Variants in VGLL4 observed in about 807,000 individuals in gnomAD.
VGLL4 encodes vestigial like family member 4.
VGLL4 carries 7 observed loss-of-function variants against 21.0 expected under a neutral mutation model. The observed-to-expected ratio is 0.33, with a 90% confidence interval of 0.19 to 0.63. VGLL4 has a LOEUF of 0.63. Ranked by LOEUF, VGLL4 falls within the 20% of genes least tolerant of loss-of-function variation. VGLL4 has a pLI of 0.78. For synonymous variants in VGLL4, 222 were observed against 173.2 expected (o/e 1.28, Z -2.21); for missense variants, 394 against 425.7 (o/e 0.93, Z 0.66).
At chr3:11,622,099 C>A (rs747827216) in intron 1 of VGLL4, among the ~76,000 whole-genome samples, 1 of 152,162 alleles carries the variant, frequency 6.6e-6, no homozygotes, top group Non-Finnish European at 1.5e-5. Context: ...GTTGTCTTTT[C>A]CTTCAAATCT....
chr3:11,570,964 G>A (rs114137788), intron 2 of VGLL4, among the ~76,000 whole-genome samples: 2,906 of 152,288 alleles, frequency 0.019, 47 homozygotes, highest in South Asian at 0.051. Flanking sequence ...GTCAAGCTGC[G>A]TCACTCCTCT....
chr3:11,661,844 C>A (rs1432934143), intron 2 of VGLL4, among the ~76,000 whole-genome samples: 4 of 152,082 alleles, frequency 2.6e-5, no homozygotes, highest in Admixed American at 2.6e-4. Flanking sequence ...AAATAAGAAA[C>A]AGGACAACAA....
chr3:11,714,973 A>G (rs2076899269), intron 1 of VGLL4, among the ~76,000 whole-genome samples: 1 of 151,794 alleles, frequency 6.6e-6, no homozygotes, highest in Non-Finnish European at 1.5e-5. Flanking sequence ...GTCTCTATTA[A>G]AAATACAAAA....
In VGLL4 at chr3:11,676,422, T is replaced by A. The variant is rs1003072201; in HGVS notation, c.64+26549A>T. The stretch of plus-strand genomic sequence containing the variant: ...AAAAAAAAAAAAAATAAAATAATAA[T>A]AATAATAATAATAATAATAATTTTA... On this transcript the variant is annotated intron_variant, in intron 2 of 5. Coordinates refer to the VGLL4 transcript ENST00000273038. 8.1e-3 allele frequency among the ~76,000 whole-genome samples: 278 copies of A among 34,290 alleles called. 8 individuals are homozygous for A. The highest frequency in any genetic ancestry group is 0.018 in the African/African-American group (272 of 15,442). The allele number at this position is 34,290 out of a possible 152,430, so 22.5% of individuals were successfully genotyped here.
At chr3:11,692,086 T>C (rs2076535047) in intron 2 of VGLL4, among the ~76,000 whole-genome samples, 1 of 152,104 alleles carries the variant, frequency 6.6e-6, no homozygotes, top group South Asian at 2.1e-4. Flanking sequence ...CTTTTATGTG[T>C]ATTAAAGGAA....
chr3:11,630,704 T>A (rs982441162), intron 1 of VGLL4, among the ~76,000 whole-genome samples: 2 of 152,138 alleles, frequency 1.3e-5, no homozygotes, highest in Admixed American at 1.3e-4. Flanking sequence ...GCTTATACAC[T>A]GCTGGTAGAA....
chr3:11,562,412 C>T (rs978781018), intron 3 of VGLL4, among the ~76,000 whole-genome samples: 10 of 152,218 alleles, frequency 6.6e-5, no homozygotes, highest in South Asian at 2.1e-4. Flanking sequence ...AGGCTTCCAC[C>T]GTGCCCACCC....
At chr3:11,575,633 C>T (rs903911292) in intron 2 of VGLL4, among the ~76,000 whole-genome samples, 3 of 152,234 alleles carry the variant, frequency 2.0e-5, no homozygotes, top group Admixed American at 1.3e-4. Context: ...AGATCCCAGA[C>T]ACCAGCCTTA....
At chr3:11,717,360 C>A (rs1033873310) in intron 1 of VGLL4, among the ~76,000 whole-genome samples, 15 of 151,912 alleles carry the variant, frequency 9.9e-5, no homozygotes, top group African/African-American at 3.6e-4. Context: ...AGCTGCACAG[C>A]AAAACTCTCC....
intron 1 of VGLL4, among the ~76,000 whole-genome samples, chr3:11,716,166 G>C (rs905103451): frequency 2.0e-5 from 3 of 151,986 alleles, no homozygotes; most frequent in African/African-American, 7.2e-5. Context: ...GCCAGGTGTG[G>C]TGGTGGGTGC....
At chr3:11,609,205 G>A (rs184936981) in intron 1 of VGLL4, among the ~76,000 whole-genome samples, 118 of 152,206 alleles carry the variant, frequency 7.8e-4, no homozygotes, top group African/African-American at 2.6e-3. Flanking sequence ...TAAGTGGTTT[G>A]ATTAGATCAT....
chr3:11,708,562 AT>A (rs1450649467), intron 1 of VGLL4, among the ~76,000 whole-genome samples: 1 of 151,830 alleles, frequency 6.6e-6, no homozygotes, highest in East Asian at 1.9e-4. Flanking sequence ...CCGATATTTT[AT>A]TTTAAGTCCG....
chr3:11,686,967 A>G (rs567201953), intron 2 of VGLL4, among the ~76,000 whole-genome samples: 192 of 152,334 alleles, frequency 1.3e-3, no homozygotes, highest in African/African-American at 4.4e-3. Context: ...ATTTGTTTAT[A>G]TACATACATA....
chr3:11,719,491 TGGGCACGCGGGGCGCACCCCGA>T lies in VGLL4; in HGVS notation c.-14+881_-14+902del, dbSNP rs1489724376. 6.6e-6 allele frequency: 1 copy of T among 150,980 alleles called. No individual in the cohort carries two copies. The highest frequency in any genetic ancestry group is 1.5e-5 in the Non-Finnish European group (1 of 67,662). 9.4% of individuals were successfully genotyped at this position (150,980 alleles called of 1,614,324 possible). On this transcript the variant is annotated intron_variant, in intron 1 of 5. Transcript: ENST00000273038. The surrounding 1 kb of genome is among the most constrained non-coding windows in gnomAD (Gnocchi z 4.0). ...GGGACCCAGGGGCGGGGACGGGACCTGGGCACGCGGGGCGCACCCCGAGGGCGCGCAGACGCACAGGCGGGCT... is the reference window on the plus strand; with the variant it reads ...GGGACCCAGGGGCGGGGACGGGACCTGGGCGCGCAGACGCACAGGCGGGCT...
At chr3:11,691,899 G>T (rs2076531244) in intron 2 of VGLL4, among the ~76,000 whole-genome samples, 1 of 148,542 alleles carries the variant, frequency 6.7e-6, no homozygotes, top group Admixed American at 6.8e-5. Flanking sequence ...CAGCACTGGA[G>T]ATGTTCACAC....
chr3:11,560,092 C>T (rs1055722737), intron 3 of VGLL4, among the ~76,000 whole-genome samples: 9 of 152,080 alleles, frequency 5.9e-5, no homozygotes, highest in Non-Finnish European at 1.2e-4. Flanking sequence ...GCAAACTCCC[C>T]TTGTTCCTTC....
intron 1 of VGLL4, among the ~76,000 whole-genome samples, chr3:11,619,685 C>T (rs1018904884): frequency 9.2e-5 from 14 of 152,088 alleles, no homozygotes; most frequent in South Asian, 4.1e-4. Context: ...AAAATCAGGC[C>T]GATTGATGAT....
intron 2 of VGLL4, among the ~76,000 whole-genome samples, chr3:11,580,258 TACA>T (rs1198643702): frequency 1.3e-5 from 2 of 152,232 alleles, no homozygotes; most frequent in African/African-American, 2.4e-5. Context: ...AGTGGAATCA[TACA>T]ACATTTGTCT....
At chr3:11,584,152 C>T (rs1406657456) in intron 2 of VGLL4, among the ~76,000 whole-genome samples, 2 of 152,174 alleles carry the variant, frequency 1.3e-5, no homozygotes, top group Admixed American at 1.3e-4. Flanking sequence ...AATAACATTA[C>T]TTATTTTCCC....
Sources: gnomAD v4.1 joint callset for allele counts (sites outside exome capture counted in the v4.1 genomes callset) on GRCh38, gnomAD v4.1.1 for gene constraint, Gnocchi (gnomAD v3.1) non-coding constraint, MANE v1.5 for transcripts, NCBI Gene and HGNC (gene_info 2026-07-23, HGNC 2026-07-21) for gene names.